The following ADAM2 variants were observed in gnomAD, a reference collection of about 807,000 sequenced individuals.
The protein encoded by ADAM2 is disintegrin and metalloproteinase domain-containing protein 2.
In ADAM2, 101 loss-of-function variants were observed where a neutral mutation model predicts 99.3. The ratio of observed to expected loss-of-function variants is 1.02; its 90% CI spans 0.87 to 1.20. The LOEUF (loss-of-function observed/expected upper bound fraction) is 1.20. Ranked by LOEUF, ADAM2 falls within the 50% of genes most tolerant of loss-of-function variation. The probability of loss-of-function intolerance (pLI) is 0.00; values close to 1 mark genes in which losing one functional copy is unlikely to be tolerated. For synonymous variants in ADAM2, 323 were observed against 287.6 expected (o/e 1.12, Z -1.25); for missense variants, 948 against 878.7 (o/e 1.08, Z -1.00).
intron 6 of ADAM2, among the ~76,000 whole-genome samples, chr8:39,814,594 C>T (rs990315962): frequency 7.9e-5 from 12 of 151,912 alleles, no homozygotes; most frequent in African/African-American, 1.5e-4. Flanking sequence ...GATTTAAAAA[C>T]GTCAAAGGTC....
intron 14 of ADAM2, among the ~76,000 whole-genome samples, chr8:39,763,958 G>T (rs1802468069): frequency 6.6e-6 from 1 of 152,204 alleles, no homozygotes; most frequent in Non-Finnish European, 1.5e-5. Context: ...CAAACCTATT[G>T]TTCACTCTGG....
At chr8:39,761,321 A>G (rs910146107) in intron 14 of ADAM2, 40 bp from the exon 15 acceptor site, 23 of 1,196,478 alleles carry the variant, frequency 1.9e-5, no homozygotes, top group Non-Finnish European at 2.7e-5. Context: ...TTAAACTTAT[A>G]TTAATTAAAA....
At chr8:39,819,097 T>C (rs1805068574) in intron 6 of ADAM2, among the ~76,000 whole-genome samples, 1 of 151,934 alleles carries the variant, frequency 6.6e-6, no homozygotes, top group Non-Finnish European at 1.5e-5. Context: ...AATAAGAATA[T>C]TGAAGGATGT....
At chr8:39,789,926 C>T (rs192480350) in intron 7 of ADAM2, among the ~76,000 whole-genome samples, 2 of 151,664 alleles carry the variant, frequency 1.3e-5, no homozygotes, top group African/African-American at 2.4e-5. Flanking sequence ...AACTAGTACA[C>T]AAATGCAAAT....
chr8:39,782,961 A>G (rs1441299464), intron 10 of ADAM2, among the ~76,000 whole-genome samples: 3 of 152,128 alleles, frequency 2.0e-5, no homozygotes, highest in Non-Finnish European at 2.9e-5. Flanking sequence ...GAGTTAGATC[A>G]TCTACATTCA....
At chr8:39,780,097 A>G (rs1291378929) in intron 10 of ADAM2, among the ~76,000 whole-genome samples, 6 of 152,176 alleles carry the variant, frequency 3.9e-5, no homozygotes, top group Non-Finnish European at 8.8e-5. Context: ...GAAGCATCAC[A>G]GTCATAGTGG....
chr8:39,809,390 A>G lies in ADAM2; in HGVS notation c.570+20T>C. On this transcript the variant is annotated intron_variant, in intron 7 of 20. Transcript: ENST00000265708. The stretch of plus-strand genomic sequence containing the variant: ...TCATTGCAAATATTAAGGGACATAA[A>G]TAAATCAGAATATACTTACCAATTG... 1 of 934,520 alleles carries G rather than the reference A, an allele frequency of 1.1e-6. No homozygotes were observed. The highest frequency in any genetic ancestry group is 1.7e-6 in the Non-Finnish European group (1 of 586,820). 57.9% of individuals were successfully genotyped at this position (934,520 alleles called of 1,614,324 possible). A position where few individuals can be genotyped will look rare whatever the true frequency, so the allele number is the denominator to read the frequency against.
At chr8:39,751,764 C>T (rs1276559346) in intron 16 of ADAM2, among the ~76,000 whole-genome samples, 1 of 151,952 alleles carries the variant, frequency 6.6e-6, no homozygotes, top group Non-Finnish European at 1.5e-5. Context: ...TATCACTAGG[C>T]GGAATAGGTT....
At chr8:39,760,114 G>A (rs1203056192) in intron 15 of ADAM2, among the ~76,000 whole-genome samples, 2 of 152,020 alleles carry the variant, frequency 1.3e-5, no homozygotes, top group East Asian at 1.9e-4. Context: ...TGATCTGCCC[G>A]CCTCAGCCTC....
chr8:39,767,981 T>C (rs913033293), intron 12 of ADAM2, among the ~76,000 whole-genome samples: 1 of 151,884 alleles, frequency 6.6e-6, no homozygotes, highest in Admixed American at 6.6e-5. Flanking sequence ...AAAAGAAATT[T>C]GATAAATCAC....
chr8:39,787,179 T>C (rs780588219), intron 9 of ADAM2, 124 bp from the exon 10 acceptor site: 41 of 486,558 alleles, frequency 8.4e-5, no homozygotes, highest in Non-Finnish European at 1.1e-4. Context: ...TAACATAGCA[T>C]AAGATGTGAC....
At chr8:39,812,672 G>T (rs959952257) in intron 6 of ADAM2, among the ~76,000 whole-genome samples, 9 of 148,214 alleles carry the variant, frequency 6.1e-5, no homozygotes, top group African/African-American at 2.2e-4. Flanking sequence ...ACAAGAAATG[G>T]TTTTTCCCTA....
At chr8:39,798,951 G>A (rs1804090772) in intron 7 of ADAM2, among the ~76,000 whole-genome samples, 1 of 151,804 alleles carries the variant, frequency 6.6e-6, no homozygotes, top group African/African-American at 2.4e-5. Context: ...AGTCTAGCTT[G>A]CAGTCTGTCT....
At chr8:39,745,346 C>T (rs933875567) in intron 19 of ADAM2, among the ~76,000 whole-genome samples, 3 of 152,012 alleles carry the variant, frequency 2.0e-5, no homozygotes, top group African/African-American at 7.2e-5. Context: ...CGTTTAGGTG[C>T]TGTATATTAT....
chr8:39,790,770 C>T (rs1318118368), intron 7 of ADAM2, among the ~76,000 whole-genome samples: 1 of 151,860 alleles, frequency 6.6e-6, no homozygotes, highest in Non-Finnish European at 1.5e-5. Flanking sequence ...CTCCTCTTTT[C>T]AAGGAGATCA....
At chr8:39,789,490 T>C (rs930569275) in intron 7 of ADAM2, among the ~76,000 whole-genome samples, 12 of 151,766 alleles carry the variant, frequency 7.9e-5, no homozygotes, top group Admixed American at 2.0e-4. Flanking sequence ...AGAATGTCCA[T>C]AACAATTTTA....
intron 10 of ADAM2, among the ~76,000 whole-genome samples, chr8:39,786,304 G>A (rs1803465650): frequency 6.6e-6 from 1 of 152,054 alleles, no homozygotes; most frequent in African/African-American, 2.4e-5. Flanking sequence ...AATAAAAGTT[G>A]AAATTATTTT....
intron 6 of ADAM2, among the ~76,000 whole-genome samples, chr8:39,818,525 A>G (rs1052593471): frequency 6.6e-6 from 1 of 152,020 alleles, no homozygotes; most frequent in Non-Finnish European, 1.5e-5. Context: ...AAAGATGAGA[A>G]CATCTCTTTT....
At chr8:39,817,520 G>T (rs1053306842) in intron 6 of ADAM2, among the ~76,000 whole-genome samples, 1 of 152,014 alleles carries the variant, frequency 6.6e-6, no homozygotes, top group Non-Finnish European at 1.5e-5. Flanking sequence ...AATGATAAAT[G>T]TTTAAGGTAA....
Sources: allele counts gnomAD v4.1 joint callset (sites outside exome capture counted in the v4.1 genomes callset), GRCh38; gene constraint gnomAD v4.1.1; transcripts MANE v1.5; gene names NCBI Gene and HGNC (gene_info 2026-07-23, HGNC 2026-07-21).